The following ATG7 variants were observed in gnomAD, a reference collection of about 807,000 sequenced individuals.
ATG7 encodes the protein autophagy related 7.
ATG7 carries 70 observed loss-of-function variants against 82.4 expected under a neutral mutation model. The observed-to-expected ratio is 0.85, with a 90% CI of 0.70 to 1.04. The LOEUF (loss-of-function observed/expected upper bound fraction) is 1.04, where lower values mean the gene tolerates loss of function less well. Among genes scored for constraint, ATG7 ranks in the 50% least tolerant of loss-of-function variants. The pLI, the probability that ATG7 is intolerant of heterozygous loss-of-function variation, is 0.00. For missense variants in ATG7, 792 were observed against 864.3 expected, an observed-to-expected ratio of 0.92 and a Z score of 1.05; for synonymous variants, 287 against 313.0, an observed-to-expected ratio of 0.92 and a Z score of 0.88.
chr3:11,393,682 T>C (rs1402416881), intron 19 of ATG7, among the ~76,000 whole-genome samples: 1 of 102,364 alleles, frequency 9.8e-6, no homozygotes, highest in African/African-American at 3.1e-5. Context: ...GATAGTTTTG[T>C]AGGTTTTTTT....
chr3:11,424,114 G>T (rs542292965), intron 19 of ATG7, among the ~76,000 whole-genome samples: 1 of 151,950 alleles, frequency 6.6e-6, no homozygotes, highest in Non-Finnish European at 1.5e-5. Context: ...TGGTCCTTTC[G>T]CTTTTCACTG....
chr3:11,572,089 C>CA, the ATG7 span, among the ~76,000 whole-genome samples: 1 of 152,118 alleles, frequency 6.6e-6, no homozygotes, highest in East Asian at 1.9e-4. Context: ...GCCTGAGTGA[C>CA]AGAGTGAGAC....
At chr3:11,518,754 G>A (rs958281716) in intron 20 of ATG7, among the ~76,000 whole-genome samples, 2 of 152,122 alleles carry the variant, frequency 1.3e-5, no homozygotes, top group African/African-American at 4.8e-5. Flanking sequence ...TGGAAGCATA[G>A]GGAAACACTT....
At chr3:11,554,010 G>T (rs1032678991) in intron 20 of ATG7, among the ~76,000 whole-genome samples, 1 of 152,146 alleles carries the variant, frequency 6.6e-6, no homozygotes, top group Non-Finnish European at 1.5e-5. Flanking sequence ...GGGTGCCAGG[G>T]GCCCTGGGAC....
intron 3 of ATG7, among the ~76,000 whole-genome samples, chr3:11,283,913 C>T (rs1037389615): frequency 6.6e-6 from 1 of 152,172 alleles, no homozygotes; most frequent in Non-Finnish European, 1.5e-5. Context: ...GCCTGGACGA[C>T]AGAACGAGAC....
intron 20 of ATG7, among the ~76,000 whole-genome samples, chr3:11,429,201 A>T (rs761584825): frequency 1.3e-5 from 2 of 152,078 alleles, no homozygotes; most frequent in Non-Finnish European, 2.9e-5. Context: ...TCATTTAAAA[A>T]CCACAAGTTT....
At chr3:11,451,781 G>T (rs2085161246) in intron 20 of ATG7, among the ~76,000 whole-genome samples, 1 of 127,834 alleles carries the variant, frequency 7.8e-6, no homozygotes, top group Admixed American at 8.3e-5. Context: ...TATGTTTATA[G>T]TCTCAAAAAA....
intron 18 of ATG7, among the ~76,000 whole-genome samples, chr3:11,372,847 T>TGTGG (rs2077121525): frequency 2.8e-4 from 5 of 17,800 alleles, no homozygotes; most frequent in African/African-American, 7.0e-4. Context: ...CGTGCGTGCG[T>TGTGG]GTGCGTGTGT....
the ATG7 span, among the ~76,000 whole-genome samples, chr3:11,564,532 A>T: frequency 1.1e-4 from 17 of 152,176 alleles, no homozygotes; most frequent in Admixed American, 1.1e-3. Context: ...CCCCAGTGAC[A>T]TTCACCTTGC....
chr3:11,347,019 A>G (rs922971093), intron 13 of ATG7, among the ~76,000 whole-genome samples: 2 of 152,258 alleles, frequency 1.3e-5, no homozygotes, highest in African/African-American at 4.8e-5. Flanking sequence ...GTAGCCAGTC[A>G]TGGCAGGACA....
chr3:11,564,835 C>T, the ATG7 span: 13 of 1,596,116 alleles, frequency 8.1e-6, 1 homozygote, highest in Middle Eastern at 3.3e-4. Context: ...GGCGAGAGGC[C>T]GGCTGGCCTG....
chr3:11,275,198 C>T (rs1941444073), intron 1 of ATG7, among the ~76,000 whole-genome samples: 1 of 152,060 alleles, frequency 6.6e-6, no homozygotes, highest in Non-Finnish European at 1.5e-5. Context: ...AATGAATTTG[C>T]TGTGTGGAAT....
At chr3:11,417,036 A>C (rs1365175491) in intron 19 of ATG7, among the ~76,000 whole-genome samples, 2 of 152,080 alleles carry the variant, frequency 1.3e-5, no homozygotes, top group East Asian at 3.9e-4. Flanking sequence ...GTGGTCTGAG[A>C]GCAGACTCTT....
downstream of ATG7, chr3:11,558,496 G>C: frequency 9.8e-7 from 1 of 1,018,742 alleles, no homozygotes; most frequent in Non-Finnish European, 1.3e-6. Flanking sequence ...TTTAAGTACT[G>C]ACTGTTCAAA....
intron 20 of ATG7, among the ~76,000 whole-genome samples, chr3:11,501,778 C>T (rs920083371): frequency 3.7e-4 from 57 of 152,286 alleles, no homozygotes; most frequent in African/African-American, 1.4e-3. Flanking sequence ...CAGCCTTCGC[C>T]TCCCGGGTTC....
At chr3:11,377,148 G>A (rs2077479579) in intron 18 of ATG7, among the ~76,000 whole-genome samples, 1 of 152,230 alleles carries the variant, frequency 6.6e-6, no homozygotes, top group African/African-American at 2.4e-5. Context: ...AGAAGGGAGG[G>A]AGCCCACCTG....
chr3:11,499,267 C>G (rs1039792568), intron 20 of ATG7, among the ~76,000 whole-genome samples: 1 of 150,878 alleles, frequency 6.6e-6, no homozygotes, highest in African/African-American at 2.4e-5. Context: ...TCTATCCTTT[C>G]CTGTTCTACA....
At chr3:11,520,098 ATTTG>A (rs539333590) in intron 20 of ATG7, among the ~76,000 whole-genome samples, 168 of 152,226 alleles carry the variant, frequency 1.1e-3, no homozygotes, top group African/African-American at 4.0e-3. Flanking sequence ...TTGCACATGA[ATTTG>A]TTTAATTTTC....
At chr3:11,551,268 G>A (rs1212060427) in intron 20 of ATG7, among the ~76,000 whole-genome samples, 1 of 152,216 alleles carries the variant, frequency 6.6e-6, no homozygotes, top group Non-Finnish European at 1.5e-5. Flanking sequence ...CCGCTCTTCT[G>A]TTCGGAGGGT....
Sources: gnomAD v4.1 joint callset for allele counts (sites outside exome capture counted in the v4.1 genomes callset) on GRCh38, gnomAD v4.1.1 for gene constraint, MANE v1.5 for transcripts, NCBI Gene and HGNC (gene_info 2026-07-23, HGNC 2026-07-21) for gene names.